The following HPSE2 variants were observed in gnomAD, a reference collection of about 807,000 sequenced individuals.
The protein encoded by HPSE2 is inactive heparanase-2.
In HPSE2, 38 loss-of-function variants were observed where a neutral mutation model predicts 60.5. The observed-to-expected ratio is 0.63, with a 90% CI of 0.48 to 0.82. The LOEUF is 0.82. Ranked by LOEUF, HPSE2 falls within the 40% of genes least tolerant of loss-of-function variation. The pLI is 0.00. For synonymous variants in HPSE2, 295 were observed against 293.2 expected (o/e 1.01, Z -0.06); for missense variants, 713 against 740.4 (o/e 0.96, Z 0.43).
intron 3 of HPSE2, among the ~76,000 whole-genome samples, chr10:99,094,409 T>G (rs1209269120): frequency 6.7e-6 from 1 of 149,900 alleles, no homozygotes; most frequent in Non-Finnish European, 1.5e-5. Flanking sequence ...ACATATACAT[T>G]TCTATATCCA....
intron 3 of HPSE2, among the ~76,000 whole-genome samples, chr10:98,760,112 A>G (rs967769817): frequency 6.6e-6 from 1 of 151,992 alleles, no homozygotes; most frequent in Non-Finnish European, 1.5e-5. Context: ...CACTACTGAT[A>G]TTTGTATGTT....
At chr10:98,600,657 A>G (rs998679954) in intron 9 of HPSE2, among the ~76,000 whole-genome samples, 3 of 151,822 alleles carry the variant, frequency 2.0e-5, no homozygotes, top group Non-Finnish European at 4.4e-5. Flanking sequence ...AGTATTTCAT[A>G]TAAGTGCTTA....
the HPSE2 span, among the ~76,000 whole-genome samples, chr10:99,299,474 G>C: frequency 1.3e-5 from 2 of 152,208 alleles, no homozygotes; most frequent in Non-Finnish European, 2.9e-5. Flanking sequence ...TTGTTAAGTT[G>C]ACCATGTCTT....
chr10:98,569,493 C>A (rs750844161), intron 9 of HPSE2, among the ~76,000 whole-genome samples: 4 of 152,072 alleles, frequency 2.6e-5, no homozygotes, highest in Non-Finnish European at 5.9e-5. Context: ...TAGAGTTATA[C>A]CATATAGCAT....
rs1181322215 is a variant in HPSE2, at chr10:98,937,652, G to A, written c.611-193596C>T. ...CCTGCCTCTGTAGGCTCCACCTCTG[G>A]GGGCAGGGCACAGACAAACAAAAAG... On this transcript the variant is annotated intron_variant, in intron 3 of 11. Transcript: ENST00000370552. 1.4e-5 allele frequency among the ~76,000 whole-genome samples: 2 copies of A among 143,084 alleles called. 1 individual carries two copies. The highest frequency in any genetic ancestry group is 3.0e-5 in the Non-Finnish European group (2 of 66,902). 93.9% of individuals were successfully genotyped at this position (143,084 alleles called of 152,430 possible).
intron 3 of HPSE2, among the ~76,000 whole-genome samples, chr10:98,962,595 A>T (rs1169708798): frequency 1.3e-5 from 2 of 150,884 alleles, no homozygotes; most frequent in South Asian, 2.1e-4. Flanking sequence ...ATCAGGCAGG[A>T]GAAGGAAATA....
At chr10:99,273,923 T>A in the HPSE2 span, among the ~76,000 whole-genome samples, 1 of 152,222 alleles carries the variant, frequency 6.6e-6, no homozygotes, top group Non-Finnish European at 1.5e-5. Context: ...GCCAGGGACA[T>A]AATTTCTAAG....
At chr10:98,469,410 A>G (rs1940684990) in intron 11 of HPSE2, among the ~76,000 whole-genome samples, 1 of 152,142 alleles carries the variant, frequency 6.6e-6, no homozygotes, top group South Asian at 2.1e-4. Flanking sequence ...ATGTCCCCCT[A>G]CCACTGTAAA....
chr10:98,702,134 C>G (rs1250592545), intron 5 of HPSE2, among the ~76,000 whole-genome samples: 2 of 151,866 alleles, frequency 1.3e-5, no homozygotes, highest in Non-Finnish European at 2.9e-5. Flanking sequence ...AAATGGAACA[C>G]TCACACAAAA....
chr10:98,869,067 G>A (rs939306944), intron 3 of HPSE2, among the ~76,000 whole-genome samples: 4 of 151,900 alleles, frequency 2.6e-5, no homozygotes, highest in Non-Finnish European at 4.4e-5. Context: ...GTGCGCACGC[G>A]TGTGTGTTTT....
chr10:98,537,669 C>CG (rs1943327379), intron 9 of HPSE2, among the ~76,000 whole-genome samples: 1 of 152,148 alleles, frequency 6.6e-6, no homozygotes, highest in African/African-American at 2.4e-5. Context: ...CTTGGTCAAG[C>CG]GGTAACGCCA....
chr10:98,863,566 C>T (rs1220768040), intron 3 of HPSE2, among the ~76,000 whole-genome samples: 2 of 152,140 alleles, frequency 1.3e-5, no homozygotes, highest in South Asian at 2.1e-4. Context: ...TACAGGCAGC[C>T]TCTACTTCTT....
chr10:98,548,941 C>A (rs983899652), intron 9 of HPSE2, among the ~76,000 whole-genome samples: 8 of 152,182 alleles, frequency 5.3e-5, no homozygotes, highest in African/African-American at 1.7e-4. Context: ...ATTCCCATAT[C>A]ATCCCTGTTC....
At chr10:99,184,786 T>TATA (rs1847912634) in intron 2 of HPSE2, among the ~76,000 whole-genome samples, 1 of 25,286 alleles carries the variant, frequency 4.0e-5, no homozygotes, top group Non-Finnish European at 7.4e-5. Flanking sequence ...CTATCCAAAA[T>TATA]TATATATATA....
chr10:99,205,238 A>C (rs953989082), intron 2 of HPSE2, among the ~76,000 whole-genome samples: 8 of 152,174 alleles, frequency 5.3e-5, no homozygotes, highest in Non-Finnish European at 1.2e-4. Flanking sequence ...TCCCGAATCT[A>C]AAATAAAATT....
At chr10:98,842,749 A>C (rs547023982) in intron 3 of HPSE2, among the ~76,000 whole-genome samples, 17 of 152,192 alleles carry the variant, frequency 1.1e-4, no homozygotes, top group Non-Finnish European at 2.2e-4. Flanking sequence ...CTCTTCGTGT[A>C]GTACATTCTG....
intron 5 of HPSE2, among the ~76,000 whole-genome samples, chr10:98,708,227 T>C (rs1204363407): frequency 1.3e-5 from 2 of 152,012 alleles, no homozygotes; most frequent in Non-Finnish European, 2.9e-5. Flanking sequence ...GAGGCTGAGG[T>C]GGGCGGATCA....
At chr10:99,113,233 C>T (rs1844543074) in intron 3 of HPSE2, among the ~76,000 whole-genome samples, 1 of 152,118 alleles carries the variant, frequency 6.6e-6, no homozygotes, top group Admixed American at 6.5e-5. Context: ...ATATTGCTTT[C>T]CCTACTATAT....
intron 1 of HPSE2, among the ~76,000 whole-genome samples, chr10:99,232,816 TG>T (rs1444389728): frequency 6.6e-6 from 1 of 152,240 alleles, no homozygotes; most frequent in African/African-American, 2.4e-5. Flanking sequence ...TTGTATGGGG[TG>T]GGTGTACGTG....
Sources: gnomAD v4.1 joint callset for allele counts (sites outside exome capture counted in the v4.1 genomes callset) on GRCh38, gnomAD v4.1.1 for gene constraint, MANE v1.5 for transcripts, NCBI Gene and HGNC (gene_info 2026-07-23, HGNC 2026-07-21) for gene names.